The following CFAP47 variants were observed in gnomAD, a reference collection of about 807,000 sequenced individuals.
CFAP47 encodes the protein cilia- and flagella-associated protein 47.
A neutral mutation model predicts 148.1 loss-of-function variants in CFAP47; 29 were observed. That is an observed-to-expected ratio of 0.20 (90% CI 0.15 to 0.27). The LOEUF is 0.27. Ranked by LOEUF, CFAP47 falls within the 10% of genes least tolerant of loss-of-function variation. CFAP47 has a pLI of 1.00. For missense variants in CFAP47, 1,872 were observed against 1,697.5 expected, an observed-to-expected ratio of 1.10 and a Z score of -1.81; for synonymous variants, 664 against 577.3, an observed-to-expected ratio of 1.15 and a Z score of -2.15.
At chrX:36,347,142 C>T (rs190758678) in intron 57 of CFAP47, among the ~76,000 whole-genome samples, 272 of 112,185 alleles carry the variant, frequency 2.4e-3, no homozygotes, top group Middle Eastern at 0.018. Context: ...ACAGACACTT[C>T]TCAAAAGAAG....
intron 29 of CFAP47, among the ~76,000 whole-genome samples, chrX:36,077,565 A>G (rs1473481805): frequency 1.8e-5 from 2 of 110,195 alleles, no homozygotes; most frequent in Admixed American, 2.0e-4. Context: ...TTTGGCTCTC[A>G]GTGTGAACAT....
At chrX:36,371,200 T>C (rs1276191316) in intron 62 of CFAP47, among the ~76,000 whole-genome samples, 1 of 111,077 alleles carries the variant, frequency 9.0e-6, no homozygotes. Flanking sequence ...CGTCTGCCCT[T>C]TGTGATAACA....
chrX:36,260,271 G>C (rs1555999797), intron 49 of CFAP47, among the ~76,000 whole-genome samples: 1 of 111,977 alleles, frequency 8.9e-6, no homozygotes, highest in African/African-American at 3.2e-5. Flanking sequence ...TGGGTCAAAT[G>C]ATAGTTCAAA....
At chrX:36,315,622 C>T (rs1941427362) in intron 56 of CFAP47, among the ~76,000 whole-genome samples, 1 of 112,133 alleles carries the variant, frequency 8.9e-6, no homozygotes, top group Non-Finnish European at 1.9e-5. Context: ...CATTGTCCAG[C>T]TACCAACACC....
intron 13 of CFAP47, among the ~76,000 whole-genome samples, chrX:35,973,035 A>G (rs888580197): frequency 1.8e-5 from 2 of 111,962 alleles, no homozygotes; most frequent in Non-Finnish European, 3.8e-5. Context: ...TAGACCTACT[A>G]GTGAGTATGA....
chrX:36,094,719 G>A (rs1463389317), intron 30 of CFAP47, among the ~76,000 whole-genome samples: 1 of 111,011 alleles, frequency 9.0e-6, no homozygotes, highest in African/African-American at 3.3e-5. Flanking sequence ...TTTGTATGTT[G>A]ATTTTGTACT....
At chrX:36,350,169 T>TC in intron 59 of CFAP47, 37 bp downstream of exon 59, 1 of 854,708 alleles carries the variant, frequency 1.2e-6, no homozygotes, top group Non-Finnish European at 1.7e-6. Flanking sequence ...GCCAGAATTC[T>TC]TAGAGACCTT....
chrX:36,372,651 T>A (rs1275575057), intron 62 of CFAP47, among the ~76,000 whole-genome samples: 1 of 111,736 alleles, frequency 8.9e-6, no homozygotes, highest in Admixed American at 9.5e-5. Flanking sequence ...ATGGTAAATA[T>A]TTGTATACCT....
At chrX:36,100,593 T>C (rs1362906306) in intron 32 of CFAP47, among the ~76,000 whole-genome samples, 1 of 111,604 alleles carries the variant, frequency 9.0e-6, no homozygotes, top group Admixed American at 9.6e-5. Context: ...CTAGGACCAA[T>C]GGAGGCTTTT....
intron 23 of CFAP47, among the ~76,000 whole-genome samples, chrX:36,032,872 T>C (rs981569297): frequency 9.0e-6 from 1 of 111,379 alleles, no homozygotes; most frequent in African/African-American, 3.3e-5. Context: ...ACATGAGTGG[T>C]TAAAAGCAGA....
chrX:35,996,802 G>A lies in CFAP47; in HGVS notation c.3100-510G>A, dbSNP rs186380656. ...AGTCAGTTTCCTCAGTTTAAAATTA[G>A]GAGTATTAACAGTCGTTATCTAATA... is the stretch of plus-strand genomic sequence containing the variant. On this transcript the variant is annotated intron_variant, in intron 18 of 63. Coordinates refer to ENST00000378653, the MANE Select transcript of CFAP47 (RefSeq NM_001304548.2). Among the ~76,000 whole-genome samples the A allele has an allele frequency of 8.8e-4, 98 of 111,349 alleles. 1 individual carries two copies. The highest frequency in any genetic ancestry group is 5.3e-4 in the Non-Finnish European group (28 of 52,950).
chrX:36,196,758 C>T (rs1403760003), intron 42 of CFAP47, among the ~76,000 whole-genome samples: 1 of 111,125 alleles, frequency 9.0e-6, no homozygotes. Flanking sequence ...CTGGAAAATA[C>T]AATATATTTC....
intron 3 of CFAP47, among the ~76,000 whole-genome samples, chrX:35,945,639 C>T (rs747909485): frequency 9.0e-6 from 1 of 111,190 alleles, no homozygotes; most frequent in African/African-American, 3.3e-5. Context: ...CTTATCTGTT[C>T]ACTTCATAAT....
chrX:35,994,781 A>G (rs1367602616), intron 18 of CFAP47, among the ~76,000 whole-genome samples: 5 of 110,793 alleles, frequency 4.5e-5, no homozygotes, highest in Admixed American at 9.7e-5. Context: ...TTCTAATCTT[A>G]CCTTTATTAA....
Position 35,948,462 on chromosome X carries a change from T to C in CFAP47, c.656+10T>C, listed in dbSNP as rs1460128556. On this transcript the variant is annotated intron_variant, in intron 4 of 63. Transcript: ENST00000378653. ...TAGATGAAGAGGCAATGTGAGTATA[T>C]ACTGTGGTTCTAAAAATTATAATAC... The C allele has an allele frequency of 8.5e-6, 10 of 1,172,578 alleles. No individual in the cohort carries two copies. The highest frequency in any genetic ancestry group is 2.3e-5 in the Admixed American group (1 of 43,305).
At chrX:36,196,179 T>TA in intron 42 of CFAP47, among the ~76,000 whole-genome samples, 1 of 111,390 alleles carries the variant, frequency 9.0e-6, no homozygotes, top group African/African-American at 3.2e-5. Flanking sequence ...AATTGTTCTA[T>TA]AAAAATATAA....
chrX:36,137,596 C>A (rs1939065901), intron 33 of CFAP47, among the ~76,000 whole-genome samples: 1 of 110,890 alleles, frequency 9.0e-6, no homozygotes, highest in Non-Finnish European at 1.9e-5. Flanking sequence ...AACTCCATGC[C>A]TTTTCAGTCT....
intron 48 of CFAP47, among the ~76,000 whole-genome samples, chrX:36,244,308 A>G (rs1263878092): frequency 9.0e-6 from 1 of 111,594 alleles, no homozygotes; most frequent in Non-Finnish European, 1.9e-5. Flanking sequence ...TAACAATTTA[A>G]CTTTGCACCC....
intron 61 of CFAP47, among the ~76,000 whole-genome samples, chrX:36,366,398 A>G (rs1258065600): frequency 4.5e-5 from 5 of 111,681 alleles, no homozygotes; most frequent in Non-Finnish European, 9.4e-5. Flanking sequence ...CTGCCACTCA[A>G]TTTTATCTTA....
Sources: gnomAD v4.1 joint callset for allele counts (sites outside exome capture counted in the v4.1 genomes callset) on GRCh38, gnomAD v4.1.1 for gene constraint, MANE v1.5 for transcripts, NCBI Gene and HGNC (gene_info 2026-07-23, HGNC 2026-07-21) for gene names.